KCNIP4: variants seen among roughly 807,000 people sequenced by gnomAD.
KCNIP4 encodes the protein potassium voltage-gated channel interacting protein 4.
KCNIP4 carries 12 observed loss-of-function variants against 34.0 expected under a neutral mutation model. The ratio of observed to expected loss-of-function variants is 0.35; its 90% confidence interval spans 0.23 to 0.57. The LOEUF (loss-of-function observed/expected upper bound fraction) is 0.57. KCNIP4 is among the 20% of genes least tolerant of loss of function. KCNIP4 has a pLI of 0.83. For synonymous variants in KCNIP4, 124 were observed against 102.2 expected, an observed-to-expected ratio of 1.21 and a Z score of -1.29; for missense variants, 238 against 311.7, an observed-to-expected ratio of 0.76 and a Z score of 1.78.
At chr4:21,046,603 AT>A (rs1409371202) in intron 1 of KCNIP4, among the ~76,000 whole-genome samples, 7 of 151,872 alleles carry the variant, frequency 4.6e-5, no homozygotes, top group Non-Finnish European at 8.8e-5. Context: ...TTATTTATTT[AT>A]TTTTGAGATG....
chr4:21,052,122 T>C (rs1454160132), intron 1 of KCNIP4, among the ~76,000 whole-genome samples: 1 of 152,204 alleles, frequency 6.6e-6, no homozygotes, highest in Non-Finnish European at 1.5e-5. Context: ...CCTATCCTAG[T>C]ATACCAAATT....
chr4:21,768,551 A>G (rs1718572887), intron 1 of KCNIP4, among the ~76,000 whole-genome samples: 1 of 152,098 alleles, frequency 6.6e-6, no homozygotes, highest in South Asian at 2.1e-4. Flanking sequence ...AGGATTTCTC[A>G]CTGCTTGTTT....
chr4:21,657,841 A>AT (rs34034617), intron 1 of KCNIP4, among the ~76,000 whole-genome samples: 277 of 145,314 alleles, frequency 1.9e-3, no homozygotes, highest in Middle Eastern at 3.5e-3. Flanking sequence ...TTTAAACATA[A>AT]TTTTTTTTTT....
intron 1 of KCNIP4, among the ~76,000 whole-genome samples, chr4:21,660,109 A>C (rs1390346861): frequency 2.0e-5 from 3 of 152,074 alleles, no homozygotes; most frequent in Non-Finnish European, 2.9e-5. Context: ...TATTTCCCTT[A>C]TTTAAAGTCT....
chr4:21,287,813 T>A (rs1468183471), intron 1 of KCNIP4, among the ~76,000 whole-genome samples: 1 of 152,142 alleles, frequency 6.6e-6, no homozygotes, highest in African/African-American at 2.4e-5. Context: ...CACCTTATCC[T>A]GCTTTTTGCA....
intron 1 of KCNIP4, among the ~76,000 whole-genome samples, chr4:21,619,027 T>C (rs1182405592): frequency 6.6e-6 from 1 of 152,148 alleles, no homozygotes; most frequent in Non-Finnish European, 1.5e-5. Context: ...CCTCATTTCA[T>C]TTATCTATGT....
intron 1 of KCNIP4, among the ~76,000 whole-genome samples, chr4:21,910,133 C>T (rs1433334850): frequency 3.3e-5 from 5 of 152,110 alleles, no homozygotes; most frequent in East Asian, 1.9e-4. Flanking sequence ...AGAGGAACTA[C>T]GGTGTCTCTC....
Position 21,773,732 on chromosome 4 carries a change from G to GT in KCNIP4, c.61+174838dup, listed in dbSNP as rs1337547042. The stretch of plus-strand genomic sequence containing the variant: ...GTAGGAGACTAGCATTGCAACCCCT[G>GT]TTTTTTTTTGTTGTTTTTTTTTTTT... On this transcript the variant is annotated intron_variant, in intron 1 of 8. Coordinates refer to ENST00000382152, the MANE Select transcript of KCNIP4 (RefSeq NM_025221.6). Among the ~76,000 whole-genome samples the GT allele has an allele frequency of 4.9e-3, 348 of 71,304 alleles. 4 individuals are homozygous for GT. Among genetic ancestry groups the GT allele is most frequent in the African/African-American group, 0.019 (277 of 14,314 alleles). 46.8% of individuals were successfully genotyped at this position (71,304 alleles called of 152,430 possible).
At position 21,444,990 on chromosome 4, in the gene KCNIP4, A is replaced by T. The variant is rs560834432; in HGVS notation, c.61+503581T>A. On this transcript the variant is annotated intron_variant, in intron 1 of 8. Coordinates refer to ENST00000382152, the MANE Select transcript of KCNIP4 (RefSeq NM_025221.6). Reference sequence around the variant, plus strand: ...TCTTATACACCAATAACAGACAAACAGAGAGCCAAATCATGAGTGAGCTCC... The same window carrying T: ...TCTTATACACCAATAACAGACAAACTGAGAGCCAAATCATGAGTGAGCTCC... Among the ~76,000 whole-genome samples the T allele has an allele frequency of 1.1e-3, 163 of 152,110 alleles. 1 individual carries two copies. Among genetic ancestry groups the T allele is most frequent in the African/African-American group, 3.7e-3 (155 of 41,546 alleles).
chr4:20,953,137 A>G (rs1164931471), intron 1 of KCNIP4, among the ~76,000 whole-genome samples: 1 of 152,204 alleles, frequency 6.6e-6, no homozygotes, highest in South Asian at 2.1e-4. Context: ...TTTCATAATG[A>G]GTCTGCATTT....
At chr4:21,091,057 A>G (rs1746953486) in intron 1 of KCNIP4, among the ~76,000 whole-genome samples, 1 of 152,198 alleles carries the variant, frequency 6.6e-6, no homozygotes, top group African/African-American at 2.4e-5. Flanking sequence ...CCAATTTTCA[A>G]CTTTCTAATG....
At chr4:21,072,557 A>T (rs1017716707) in intron 1 of KCNIP4, among the ~76,000 whole-genome samples, 1 of 151,838 alleles carries the variant, frequency 6.6e-6, no homozygotes, top group African/African-American at 2.4e-5. Flanking sequence ...CCTTTGTCAG[A>T]TGAGTAGATT....
At position 21,320,604 on chromosome 4, in the gene KCNIP4, T is replaced by G. The variant is rs145328780; in HGVS notation, c.62-437895A>C. Among the ~76,000 whole-genome samples, 1,015 of 152,290 alleles carry G rather than the reference T, an allele frequency of 6.7e-3. 2 individuals are homozygous for G. The highest frequency in any genetic ancestry group is 0.012 in the Non-Finnish European group (783 of 68,016). Reference sequence around the variant, plus strand: ...GCAAAATGTAAGGTGATGCTCATTCTCAGGATTTGCAATTACCCTGTGAGC... The same window carrying G: ...GCAAAATGTAAGGTGATGCTCATTCGCAGGATTTGCAATTACCCTGTGAGC... On this transcript the variant is annotated intron_variant, in intron 1 of 8. Transcript: ENST00000382152.
chr4:21,701,191 G>A (rs1010772229), intron 1 of KCNIP4, among the ~76,000 whole-genome samples: 1 of 152,232 alleles, frequency 6.6e-6, no homozygotes, highest in African/African-American at 2.4e-5. Context: ...ACTTATATGT[G>A]GAATCTAGAA....
intron 1 of KCNIP4, among the ~76,000 whole-genome samples, chr4:21,408,081 G>A (rs551318568): frequency 1.8e-4 from 27 of 152,264 alleles, no homozygotes; most frequent in Non-Finnish European, 3.1e-4. Flanking sequence ...AAAACCAAAC[G>A]AAGCCGGTAG....
intron 3 of KCNIP4, among the ~76,000 whole-genome samples, chr4:20,838,743 TAGAGC>T (rs1560503976): frequency 6.6e-6 from 1 of 152,180 alleles, no homozygotes; most frequent in Non-Finnish European, 1.5e-5. Context: ...GACATCCTGC[TAGAGC>T]AGAGCTGCCA....
chr4:21,660,047 A>C (rs908099985), intron 1 of KCNIP4, among the ~76,000 whole-genome samples: 2 of 152,116 alleles, frequency 1.3e-5, no homozygotes, highest in Non-Finnish European at 2.9e-5. Flanking sequence ...CTCAATCTAC[A>C]ATGTGCTCCT....
chr4:21,068,509 C>T (rs989527714), intron 1 of KCNIP4, among the ~76,000 whole-genome samples: 3 of 152,118 alleles, frequency 2.0e-5, no homozygotes, highest in Admixed American at 2.0e-4. Flanking sequence ...CCAAAATTTT[C>T]TTCTAATGTC....
chr4:21,355,903 A>G (rs1485506905), intron 1 of KCNIP4, among the ~76,000 whole-genome samples: 1 of 152,226 alleles, frequency 6.6e-6, no homozygotes, highest in African/African-American at 2.4e-5. Context: ...AAAATCCTCA[A>G]TAAAATACTG....
Sources: gnomAD v4.1 joint callset for allele counts (sites outside exome capture counted in the v4.1 genomes callset) on GRCh38, gnomAD v4.1.1 for gene constraint, MANE v1.5 for transcripts, NCBI Gene and HGNC (gene_info 2026-07-23, HGNC 2026-07-21) for gene names.